Variants in ADGRG6 observed in about 807,000 individuals in gnomAD.
The protein encoded by ADGRG6 is adhesion G protein-coupled receptor G6, also known as G-protein coupled receptor 126.
Under a neutral mutation model 142.4 loss-of-function variants are expected in ADGRG6, and 84 were observed. The observed-to-expected ratio is 0.59, with a 90% confidence interval of 0.49 to 0.71. The LOEUF (loss-of-function observed/expected upper bound fraction) is 0.71. Ranked by LOEUF, ADGRG6 falls within the 30% of genes least tolerant of loss-of-function variation. The probability of loss-of-function intolerance (pLI) is 0.00; values close to 1 mark genes in which losing one functional copy is unlikely to be tolerated. For missense variants in ADGRG6, 1,367 were observed against 1,466.6 expected, an observed-to-expected ratio of 0.93 and a Z score of 1.11; for synonymous variants, 521 against 520.5, an observed-to-expected ratio of 1.00 and a Z score of -0.01.
intron 2 of ADGRG6, among the ~76,000 whole-genome samples, chr6:142,321,191 A>G (rs1322214475): frequency 1.3e-5 from 2 of 151,876 alleles, no homozygotes; most frequent in Admixed American, 1.3e-4. Context: ...GTCTGAATTA[A>G]ATTAAAAAAA....
chr6:142,432,365 AT>A (rs1430328634), intron 22 of ADGRG6, among the ~76,000 whole-genome samples: 2 of 152,222 alleles, frequency 1.3e-5, no homozygotes, highest in African/African-American at 4.8e-5. Context: ...ATAACCTGTT[AT>A]GAGAATCCTA....
At chr6:142,420,659 C>T (rs981172928) in intron 22 of ADGRG6, among the ~76,000 whole-genome samples, 6 of 152,086 alleles carry the variant, frequency 3.9e-5, no homozygotes, top group African/African-American at 1.4e-4. Flanking sequence ...GAACATTTCA[C>T]AGTTAGTTCA....
At chr6:142,376,779 T>A (rs2114904410) in intron 4 of ADGRG6, among the ~76,000 whole-genome samples, 1 of 152,306 alleles carries the variant, frequency 6.6e-6, no homozygotes, top group South Asian at 2.1e-4. Flanking sequence ...ATATATTTAT[T>A]TATGAAAAGT....
At chr6:142,332,588 G>A (rs1779112307) in intron 2 of ADGRG6, among the ~76,000 whole-genome samples, 2 of 151,900 alleles carry the variant, frequency 1.3e-5, no homozygotes, top group African/African-American at 4.8e-5. Flanking sequence ...GTTTCTCTAG[G>A]AAATGATTTC....
chr6:142,379,506 G>T lies in ADGRG6; in HGVS notation c.1070-2445G>T, dbSNP rs774457295. ...TCACAGGCCGGGCACGGTGGCTCAC[G>T]CCTGTAATCCCAGCGCTTTGGGAGG... On this transcript the variant is annotated intron_variant, in intron 4 of 24. Transcript: ENST00000367609. Among the ~76,000 whole-genome samples the T allele has an allele frequency of 5.3e-5, 8 of 152,142 alleles. No individual in the cohort carries two copies. In the South Asian group the frequency reaches 1.7e-3, roughly 32 times the overall value.
chr6:142,349,668 G>T (rs1780066844), intron 2 of ADGRG6, among the ~76,000 whole-genome samples: 1 of 152,128 alleles, frequency 6.6e-6, no homozygotes, highest in Admixed American at 6.5e-5. Context: ...ACATGATGTT[G>T]GCTATTGCAT....
intron 2 of ADGRG6, among the ~76,000 whole-genome samples, chr6:142,350,459 T>G (rs763014453): frequency 2.0e-4 from 30 of 152,190 alleles, no homozygotes; most frequent in Non-Finnish European, 3.5e-4. Context: ...GAGATCCAGG[T>G]GGTTCAAGAT....
At chr6:142,383,593 A>G (rs1460007503) in intron 5 of ADGRG6, among the ~76,000 whole-genome samples, 167 bp from the exon 6 acceptor site, 1 of 152,180 alleles carries the variant, frequency 6.6e-6, no homozygotes, top group Non-Finnish European at 1.5e-5. Flanking sequence ...AATGTGCCAT[A>G]GAAAGCATTG....
At chr6:142,324,568 G>A (rs929781746) in intron 2 of ADGRG6, among the ~76,000 whole-genome samples, 2 of 152,070 alleles carry the variant, frequency 1.3e-5, no homozygotes, top group Non-Finnish European at 2.9e-5. Flanking sequence ...CATGTAGGCA[G>A]CATTTAAAAT....
chr6:142,425,473 A>G (rs991725383), intron 22 of ADGRG6, among the ~76,000 whole-genome samples: 1 of 152,204 alleles, frequency 6.6e-6, no homozygotes, highest in East Asian at 1.9e-4. Context: ...TGTTAATACA[A>G]TATTATAGTT....
chr6:142,313,740 G>A (rs1349538181), intron 2 of ADGRG6, among the ~76,000 whole-genome samples: 2 of 152,074 alleles, frequency 1.3e-5, no homozygotes, highest in Non-Finnish European at 2.9e-5. Context: ...TTATTTAGTA[G>A]TATGTGTTAA....
In ADGRG6 at chr6:142,441,870, C is replaced by T. The variant is rs571984660; in HGVS notation, c.3575-1467C>T. Among the ~76,000 whole-genome samples the T allele has an allele frequency of 2.5e-4, 38 of 152,260 alleles. 1 individual carries two copies. The South Asian group carries it at 3.7e-3, about 15-fold the overall frequency. On this transcript the variant is annotated intron_variant, in intron 24 of 24. Coordinates refer to ENST00000367609, the MANE Select transcript of ADGRG6 (RefSeq NM_198569.3). ...ATGACTCCTTGAGCCTTTTCCTTGC[C>T]GACATTGGAAAATGCTTCAGTTGTT...
intron 1 of ADGRG6, among the ~76,000 whole-genome samples, chr6:142,307,109 A>G (rs1040307572): frequency 1.3e-5 from 2 of 152,182 alleles, no homozygotes; most frequent in African/African-American, 4.8e-5. Context: ...GCCTGAGCGC[A>G]TAAACAGTGT....
At chr6:142,350,519 A>G (rs1392914711) in intron 2 of ADGRG6, among the ~76,000 whole-genome samples, 1 of 152,234 alleles carries the variant, frequency 6.6e-6, no homozygotes, top group Non-Finnish European at 1.5e-5. Context: ...CTGTGTGAGG[A>G]AGTTTATAGT....
chr6:142,367,924 A>C lies in ADGRG6; in HGVS notation c.445+14A>C. The stretch of plus-strand genomic sequence containing the variant: ...GCTACATCAGAGGTATGTAAACCAA[A>C]GGCAACGCCAACCTTCTGCTTTTAT... On this transcript the variant is annotated intron_variant, in intron 3 of 24. Transcript: ENST00000367609. 6.9e-7 allele frequency: 1 copy of C among 1,444,586 alleles called. No individual in the cohort carries two copies. The highest frequency in any genetic ancestry group is 9.6e-7 in the Non-Finnish European group (1 of 1,041,348). 89.5% of individuals were successfully genotyped at this position (1,444,586 alleles called of 1,614,324 possible). A position where few individuals can be genotyped will look rare whatever the true frequency, so the allele number is the denominator to read the frequency against.
intron 20 of ADGRG6, 72 bp from the exon 21 acceptor site, chr6:142,417,201 A>G: frequency 1.3e-6 from 1 of 796,406 alleles, no homozygotes; most frequent in South Asian, 1.4e-5. Flanking sequence ...TTTTCTTTAC[A>G]TTTCATTAGC....
chr6:142,307,188 CTAT>C (rs1168877970), intron 1 of ADGRG6, among the ~76,000 whole-genome samples: 1 of 152,076 alleles, frequency 6.6e-6, no homozygotes, highest in East Asian at 1.9e-4. Context: ...TGAGAGAAAG[CTAT>C]TATTCACACA....
rs1194894780 is a variant in ADGRG6 at position 142,344,155 on chromosome 6, A to C, written c.104-23414A>C. Among the ~76,000 whole-genome samples the C allele has an allele frequency of 3.9e-5, 6 of 151,970 alleles. No homozygotes were observed. In the East Asian group the frequency reaches 1.2e-3, roughly 29 times the overall value. On this transcript the variant is annotated intron_variant, in intron 2 of 24. Transcript: ENST00000367609. Reference sequence around the variant, plus strand: ...TTATTATTCTGTGAAATGTGAAAAAAAATCCTTCCCTAGATGGTGTCACTG... The same window carrying C: ...TTATTATTCTGTGAAATGTGAAAAACAATCCTTCCCTAGATGGTGTCACTG...
In ADGRG6 at chr6:142,416,026, T is replaced by G; in HGVS notation, c.2900T>G (p.Ile967Ser). Residue 967 changes from isoleucine (I) to serine (S), a missense_variant, in exon 20 of 25, where the codon ATT becomes AGT. Transcript: ENST00000367609. ...CTAGTTAAAGTATTTAACACTTACA[T>G]TCGCCGATACATTCTAAAATTCTGC... Reference protein sequence around the residue: ...IALVKVFNTYIRRYILKFCII... With the variant: ...IALVKVFNTYSRRYILKFCII... 1 of 1,612,986 alleles carries G rather than the reference T, an allele frequency of 6.2e-7. No individual in the cohort carries two copies. Among genetic ancestry groups the G allele is most frequent in the Non-Finnish European group, 8.5e-7 (1 of 1,179,190 alleles).
Sources: gnomAD v4.1 joint callset for allele counts (sites outside exome capture counted in the v4.1 genomes callset) on GRCh38, gnomAD v4.1.1 for gene constraint, MANE v1.5 for transcripts, NCBI Gene and HGNC (gene_info 2026-07-23, HGNC 2026-07-21) for gene names.